Variants in ZRANB3 observed in about 807,000 individuals in gnomAD.
ZRANB3 encodes the protein DNA annealing helicase and endonuclease ZRANB3.
A neutral mutation model predicts 133.8 loss-of-function variants in ZRANB3; 125 were observed. The observed-to-expected ratio is 0.93, with a 90% CI of 0.81 to 1.08. The LOEUF is 1.08. Among genes scored for constraint, ZRANB3 ranks in the 50% least tolerant of loss-of-function variants. The probability of loss-of-function intolerance (pLI) is 0.00; values close to 1 mark genes in which losing one functional copy is unlikely to be tolerated. For missense variants in ZRANB3, 1,229 were observed against 1,275.5 expected, an observed-to-expected ratio of 0.96 and a Z score of 0.56; for synonymous variants, 387 against 432.7, an observed-to-expected ratio of 0.89 and a Z score of 1.31.
In ZRANB3 at chr2:135,418,925, CTTTTTTTTTTT is replaced by C. The variant is rs769271961; in HGVS notation, c.162-28116_162-28106del. Among the ~76,000 whole-genome samples, 770 of 85,860 alleles carry C rather than the reference CTTTTTTTTTTT, an allele frequency of 9.0e-3. 17 individuals carry two copies. Among genetic ancestry groups the C allele is most frequent in the African/African-American group, 0.032 (705 of 22,078 alleles). The allele number at this position is 85,860 out of a possible 152,430, so 56.3% of individuals were successfully genotyped here. A position where few individuals can be genotyped will look rare whatever the true frequency, so the allele number is the denominator to read the frequency against. ...AAGTAATGAAAAATAAGGATTCTCT[CTTTTTTTTTTT>C]TTTTTTTTTTTTTTTTTTTGAGACG... On this transcript the variant is annotated intron_variant, in intron 2 of 20. Transcript: ENST00000264159.
chr2:135,340,951 T>C (rs1264203301), intron 6 of ZRANB3, among the ~76,000 whole-genome samples: 1 of 149,658 alleles, frequency 6.7e-6, no homozygotes, highest in African/African-American at 2.6e-5. Flanking sequence ...AGTAATATTC[T>C]TGAGTCTTAT....
chr2:135,510,469 T>C, intron 1 of ZRANB3: 2 of 518,502 alleles, frequency 3.9e-6, no homozygotes, highest in Non-Finnish European at 7.1e-6. Context: ...TACTCCAAGA[T>C]ACCAAAGGCT....
intron 5 of ZRANB3, among the ~76,000 whole-genome samples, chr2:135,348,135 T>G (rs987580922): frequency 2.6e-5 from 4 of 151,986 alleles, no homozygotes; most frequent in Admixed American, 2.0e-4. Flanking sequence ...GGCATGCGCC[T>G]GCAATCCCAG....
In ZRANB3 at chr2:135,313,612, G is replaced by A. The variant is rs1275594366; in HGVS notation, c.850-7C>T. 2 of 1,575,104 alleles carry A rather than the reference G, an allele frequency of 1.3e-6. No individual in the cohort carries two copies. Among genetic ancestry groups the A allele is most frequent in the African/African-American group, 1.4e-5 (1 of 73,976 alleles). On this transcript the variant is annotated splice_region_variant and splice_polypyrimidine_tract_variant and intron_variant, in intron 7 of 20. Transcript: ENST00000264159. Reference sequence around the variant, plus strand: ...CAAAGCTGGTATTCAATTCCTATGTGGGAAAAAATAACACTGTTTATGAAT... The same window carrying A: ...CAAAGCTGGTATTCAATTCCTATGTAGGAAAAAATAACACTGTTTATGAAT...
chr2:135,475,851 G>A (rs1691477520), intron 2 of ZRANB3, among the ~76,000 whole-genome samples: 1 of 152,182 alleles, frequency 6.6e-6, no homozygotes. Context: ...GCTGAGGTGG[G>A]AGGATCACCT....
In ZRANB3 at chr2:135,249,141, TTGG is replaced by T. The variant is rs1679240549; in HGVS notation, c.1539+16390_1539+16392del. On this transcript the variant is annotated intron_variant, in intron 12 of 20. Coordinates refer to ENST00000264159, the MANE Select transcript of ZRANB3 (RefSeq NM_032143.4). ...CAGAGAAAAGGGAACACATACACTG[TTGG>T]TGGGAGTGTAAATTAGTTCAACTAT... Among the ~76,000 whole-genome samples the T allele has an allele frequency of 2.0e-5, 3 of 152,138 alleles. No individual in the cohort carries two copies. In the South Asian group the frequency reaches 6.2e-4, roughly 32 times the overall value.
At position 135,462,432 on chromosome 2, in the gene ZRANB3, A is replaced by T. The variant is rs556245411; in HGVS notation, c.161+41897T>A. Among the ~76,000 whole-genome samples the T allele has an allele frequency of 2.2e-4, 33 of 152,314 alleles. No individual in the cohort carries two copies. In the South Asian group the frequency reaches 5.8e-3, roughly 27 times the overall value. ...CACACAGTATTTAAAGCCGTGGCAA[A>T]TGTAGCCTATTCTCAGGCAACTTTC... is the stretch of plus-strand genomic sequence containing the variant. On this transcript the variant is annotated intron_variant, in intron 2 of 20. Transcript: ENST00000264159.
At chr2:135,435,598 A>T (rs574104731) in intron 2 of ZRANB3, among the ~76,000 whole-genome samples, 1 of 152,322 alleles carries the variant, frequency 6.6e-6, no homozygotes, top group South Asian at 2.1e-4. Context: ...GAACTAATTT[A>T]CACTTCCACC....
intron 11 of ZRANB3, among the ~76,000 whole-genome samples, chr2:135,267,245 G>A (rs1354385927): frequency 6.6e-6 from 1 of 152,178 alleles, no homozygotes; most frequent in Non-Finnish European, 1.5e-5. Context: ...CACATCTGGT[G>A]AGGGCTTCTT....
At chr2:135,373,798 A>AGGGG in intron 3 of ZRANB3, among the ~76,000 whole-genome samples, 1 of 432 alleles carries the variant, frequency 2.3e-3, no homozygotes, top group African/African-American at 8.6e-3. Context: ...AAAAGAAAAG[A>AGGGG]AAGAGGGGAG....
rs539004578 is a variant in ZRANB3, at chr2:135,521,673, G to A, written c.-8+9454C>T. On this transcript the variant is annotated intron_variant, in intron 1 of 20. Coordinates refer to ENST00000264159, the MANE Select transcript of ZRANB3 (RefSeq NM_032143.4). ...AGCTGTAAACAACACAACACAATGCGATAAGTGCTATGAAAATAGAATATA... is the reference window on the plus strand; with the variant it reads ...AGCTGTAAACAACACAACACAATGCAATAAGTGCTATGAAAATAGAATATA... 4.5e-4 allele frequency among the ~76,000 whole-genome samples: 69 copies of A among 152,224 alleles called. No individual in the cohort carries two copies. The South Asian group carries it at 0.013, about 28-fold the overall frequency.
At chr2:135,451,957 G>C (rs1456980611) in intron 2 of ZRANB3, among the ~76,000 whole-genome samples, 2 of 152,082 alleles carry the variant, frequency 1.3e-5, no homozygotes, top group African/African-American at 4.8e-5. Flanking sequence ...TGAAGACAGA[G>C]CAAAACATCC....
At chr2:135,411,770 G>C (rs1184947006) in intron 2 of ZRANB3, among the ~76,000 whole-genome samples, 1 of 152,052 alleles carries the variant, frequency 6.6e-6, no homozygotes. Flanking sequence ...TCCAAAAGGG[G>C]GTAGAGGCAA....
At chr2:135,491,108 T>C (rs1353878825) in intron 2 of ZRANB3, among the ~76,000 whole-genome samples, 1 of 152,158 alleles carries the variant, frequency 6.6e-6, no homozygotes, top group Non-Finnish European at 1.5e-5. Context: ...GTTAATCTAT[T>C]GTACATTTCA....
At chr2:135,210,479 G>A (rs534885416) in intron 17 of ZRANB3, among the ~76,000 whole-genome samples, 131 of 152,148 alleles carry the variant, frequency 8.6e-4, no homozygotes, top group African/African-American at 2.7e-3. Context: ...TTACGAGCAC[G>A]CACCACCATG....
intron 2 of ZRANB3, among the ~76,000 whole-genome samples, chr2:135,428,668 A>C (rs911394589): frequency 2.2e-4 from 34 of 152,296 alleles, no homozygotes; most frequent in African/African-American, 7.9e-4. Context: ...GCAAAAAACA[A>C]ACAACTGTTT....
At chr2:135,391,491 T>C (rs527288197) in intron 2 of ZRANB3, among the ~76,000 whole-genome samples, 108 of 152,250 alleles carry the variant, frequency 7.1e-4, no homozygotes, top group African/African-American at 2.4e-3. Context: ...CATTAAAATA[T>C]AAGAAAATAA....
At chr2:135,353,356 T>C in intron 4 of ZRANB3, 94 bp downstream of exon 4, 1 of 766,046 alleles carries the variant, frequency 1.3e-6, no homozygotes, top group Non-Finnish European at 1.9e-6. Context: ...TCTAAATTAT[T>C]ATCTATTGGT....
chr2:135,495,484 T>A (rs926246095), intron 2 of ZRANB3, among the ~76,000 whole-genome samples: 1 of 152,206 alleles, frequency 6.6e-6, no homozygotes, highest in Non-Finnish European at 1.5e-5. Context: ...AAATGGTTTA[T>A]AAAAACATGA....
Sources: gnomAD v4.1 joint callset for allele counts (sites outside exome capture counted in the v4.1 genomes callset) on GRCh38, gnomAD v4.1.1 for gene constraint, MANE v1.5 for transcripts, NCBI Gene and HGNC (gene_info 2026-07-23, HGNC 2026-07-21) for gene names.